CCDC148: variants seen among roughly 807,000 people sequenced by gnomAD.
CCDC148 encodes the protein coiled-coil domain-containing protein 148.
A neutral mutation model predicts 85.7 loss-of-function variants in CCDC148; 89 were observed. That is an observed-to-expected ratio of 1.04 (90% CI 0.87 to 1.24). The LOEUF (loss-of-function observed/expected upper bound fraction) is 1.24, where lower values mean the gene tolerates loss of function less well. Among genes scored for constraint, CCDC148 ranks in the 50% most tolerant of loss-of-function variants. The probability of loss-of-function intolerance (pLI) is 0.00; values close to 1 mark genes in which losing one functional copy is unlikely to be tolerated. For missense variants in CCDC148, 692 were observed against 671.7 expected, an observed-to-expected ratio of 1.03 and a Z score of -0.33; for synonymous variants, 230 against 213.9, an observed-to-expected ratio of 1.08 and a Z score of -0.66.
chr2:158,420,437 A>G (rs1191313599), intron 1 of CCDC148, among the ~76,000 whole-genome samples: 2 of 152,232 alleles, frequency 1.3e-5, no homozygotes, highest in East Asian at 1.9e-4. Flanking sequence ...AATATTCAAC[A>G]TTCTTAAAGA....
chr2:158,217,225 A>G (rs1686909358), intron 11 of CCDC148, among the ~76,000 whole-genome samples: 1 of 151,100 alleles, frequency 6.6e-6, no homozygotes, highest in South Asian at 2.1e-4. Context: ...TTAATGTTGA[A>G]CCACATGAAA....
At chr2:158,323,867 T>C (rs1035497591) in intron 7 of CCDC148, among the ~76,000 whole-genome samples, 2 of 145,382 alleles carry the variant, frequency 1.4e-5, no homozygotes, top group Admixed American at 7.0e-5. Context: ...CTTTAAAAAA[T>C]AGAAAGTAAA....
chr2:158,397,889 T>A (rs1685599455), intron 1 of CCDC148, among the ~76,000 whole-genome samples: 2 of 152,090 alleles, frequency 1.3e-5, no homozygotes, highest in South Asian at 4.2e-4. Flanking sequence ...GGGACCCATC[T>A]CACGTGCAAA....
In CCDC148 at chr2:158,322,760, A is replaced by G. The variant is rs188629744; in HGVS notation, c.765-8866T>C. Among the ~76,000 whole-genome samples, 401 of 152,246 alleles carry G rather than the reference A, an allele frequency of 2.6e-3. 3 individuals carry two copies. Among genetic ancestry groups the G allele is most frequent in the African/African-American group, 9.0e-3 (373 of 41,584 alleles). On this transcript the variant is annotated intron_variant, in intron 7 of 13. Transcript: ENST00000283233. ...AAATATAAAACTATGGGCATCAGCAATGTACATACAGAGGAGAAAATTGTT... is the reference window on the plus strand; with the variant it reads ...AAATATAAAACTATGGGCATCAGCAGTGTACATACAGAGGAGAAAATTGTT...
intron 9 of CCDC148, among the ~76,000 whole-genome samples, chr2:158,287,842 G>T (rs1267816736): frequency 6.6e-6 from 1 of 152,178 alleles, no homozygotes; most frequent in African/African-American, 2.4e-5. Context: ...ACTCTATGTG[G>T]CAGCTTCAAC....
intron 1 of CCDC148, among the ~76,000 whole-genome samples, chr2:158,421,681 C>T (rs1055002858): frequency 5.3e-5 from 8 of 151,870 alleles, no homozygotes; most frequent in Non-Finnish European, 1.0e-4. Context: ...TAAAAGAACT[C>T]AAGAAGCAAG....
At chr2:158,394,111 C>T (rs76523069) in intron 1 of CCDC148, among the ~76,000 whole-genome samples, 11,328 of 152,146 alleles carry the variant, frequency 0.074, 572 homozygotes, top group Middle Eastern at 0.11. Flanking sequence ...TCACCTGACT[C>T]ATTCCACTTA....
chr2:158,301,212 C>A (rs1317230768), intron 9 of CCDC148, among the ~76,000 whole-genome samples: 4 of 152,122 alleles, frequency 2.6e-5, no homozygotes, highest in African/African-American at 9.7e-5. Flanking sequence ...AAGGGTTTCT[C>A]AAGGGCAGAA....
Position 158,432,300 on chromosome 2 carries a change from G to T in CCDC148, c.25+24115C>A, listed in dbSNP as rs116058100. On this transcript the variant is annotated intron_variant, in intron 1 of 13. Transcript: ENST00000283233. ...AGTTATAAGTATATTAAAGGTAAAT[G>T]ACATAAATACTATAATTAAAAGGCA... 1.9e-3 allele frequency among the ~76,000 whole-genome samples: 290 copies of T among 151,460 alleles called. 3 individuals are homozygous for T. The highest frequency in any genetic ancestry group is 6.8e-3 in the African/African-American group (283 of 41,402).
chr2:158,362,893 G>T (rs1405468193), intron 1 of CCDC148, among the ~76,000 whole-genome samples: 6 of 151,960 alleles, frequency 3.9e-5, no homozygotes, highest in African/African-American at 1.2e-4. Context: ...CTGATTTTTT[G>T]AAAAAATTAA....
intron 11 of CCDC148, among the ~76,000 whole-genome samples, chr2:158,188,072 G>C (rs1685237783): frequency 6.6e-6 from 1 of 151,910 alleles, no homozygotes; most frequent in Admixed American, 6.6e-5. Flanking sequence ...TGTTAGAGAT[G>C]AGCCACTATG....
intron 7 of CCDC148, among the ~76,000 whole-genome samples, chr2:158,320,867 T>G (rs1217760568): frequency 6.6e-6 from 1 of 152,180 alleles, no homozygotes; most frequent in Non-Finnish European, 1.5e-5. Context: ...AGTCACTAGC[T>G]AAAACAATTA....
At chr2:158,331,996 G>T (rs1281856880) in intron 7 of CCDC148, among the ~76,000 whole-genome samples, 2 of 152,158 alleles carry the variant, frequency 1.3e-5, no homozygotes, top group East Asian at 3.9e-4. Flanking sequence ...GGAGCATTTA[G>T]CCCATTTACA....
At chr2:158,397,891 A>C (rs1262184643) in intron 1 of CCDC148, among the ~76,000 whole-genome samples, 1 of 152,180 alleles carries the variant, frequency 6.6e-6, no homozygotes, top group Non-Finnish European at 1.5e-5. Context: ...GACCCATCTC[A>C]CGTGCAAAGA....
At chr2:158,433,061 A>T (rs1687429351) in intron 1 of CCDC148, among the ~76,000 whole-genome samples, 1 of 124,084 alleles carries the variant, frequency 8.1e-6, no homozygotes, top group Admixed American at 9.0e-5. Flanking sequence ...AACATGGCAA[A>T]ACCTCATCTC....
chr2:158,267,599 A>C (rs1473778179), intron 9 of CCDC148, among the ~76,000 whole-genome samples: 4 of 152,220 alleles, frequency 2.6e-5, no homozygotes. Context: ...AACAGGAGAT[A>C]AGTAACTATG....
chr2:158,411,830 G>A (rs1459009737), intron 1 of CCDC148, among the ~76,000 whole-genome samples: 1 of 152,126 alleles, frequency 6.6e-6, no homozygotes, highest in Admixed American at 6.5e-5. Flanking sequence ...GTCTGGCTTT[G>A]GTGGGGAGAG....
chr2:158,384,931 C>G (rs1574730921), intron 1 of CCDC148, among the ~76,000 whole-genome samples: 1 of 152,270 alleles, frequency 6.6e-6, no homozygotes, highest in South Asian at 2.1e-4. Context: ...GAGTTATTTT[C>G]CAGAACCTTA....
chr2:158,442,098 T>TA (rs1335462497), intron 1 of CCDC148, among the ~76,000 whole-genome samples: 1 of 152,164 alleles, frequency 6.6e-6, no homozygotes, highest in Admixed American at 6.5e-5. Context: ...CTGCTGTATT[T>TA]AAAAAATTTG....
Sources: allele counts gnomAD v4.1 joint callset (sites outside exome capture counted in the v4.1 genomes callset), GRCh38; gene constraint gnomAD v4.1.1; transcripts MANE v1.5; gene names NCBI Gene and HGNC (gene_info 2026-07-23, HGNC 2026-07-21).